Variants in FUT9 observed in about 807,000 individuals in gnomAD.
FUT9 encodes 4-galactosyl-N-acetylglucosaminide 3-alpha-L-fucosyltransferase 9.
Under a neutral mutation model 29.7 loss-of-function variants are expected in FUT9, and 15 were observed. The ratio of observed to expected loss-of-function variants is 0.51; its 90% CI spans 0.34 to 0.78. FUT9 has a LOEUF of 0.78. FUT9 is among the 30% of genes least tolerant of loss of function. FUT9 has a pLI of 0.01. For missense variants in FUT9, 319 were observed against 425.4 expected (o/e 0.75, Z 2.20); for synonymous variants, 169 against 153.7 (o/e 1.10, Z -0.74).
intron 2 of FUT9, among the ~76,000 whole-genome samples, chr6:96,139,676 T>C (rs759538671): frequency 7.9e-5 from 12 of 152,150 alleles, no homozygotes; most frequent in Admixed American, 5.2e-4. Context: ...ATTCTTGACT[T>C]CTGTGCACCC....
At chr6:96,114,392 T>C (rs1771872066) in intron 2 of FUT9, among the ~76,000 whole-genome samples, 1 of 151,862 alleles carries the variant, frequency 6.6e-6, no homozygotes, top group Non-Finnish European at 1.5e-5. Flanking sequence ...TTAAAATAAA[T>C]CTTACAGTTA....
In FUT9 at chr6:96,215,204, A is replaced by G; in HGVS notation, c.*10969A>G. 1 of 167,180 alleles carries G rather than the reference A, an allele frequency of 6.0e-6. No homozygotes were observed. The allele number at this position is 167,180 out of a possible 1,614,324, so 10.4% of individuals were successfully genotyped here. A position where few individuals can be genotyped will look rare whatever the true frequency, so the allele number is the denominator to read the frequency against. On this transcript the variant is annotated 3_prime_UTR_variant, in exon 3 of 3. Transcript: ENST00000302103. ...GATGCCAGAGAAAATCTGTATATTC[A>G]GCTATTTGGAGAACTCGTGTTTTCC...
At chr6:96,174,911 T>C (rs995394119) in intron 2 of FUT9, among the ~76,000 whole-genome samples, 2 of 152,276 alleles carry the variant, frequency 1.3e-5, no homozygotes, top group East Asian at 1.9e-4. Flanking sequence ...CCATTTCATA[T>C]ATGTGCATTT....
intron 2 of FUT9, among the ~76,000 whole-genome samples, chr6:96,133,689 C>A (rs969937672): frequency 6.6e-6 from 1 of 151,922 alleles, no homozygotes; most frequent in Admixed American, 6.6e-5. Flanking sequence ...GTAAACTATT[C>A]GGTTAACCCC....
chr6:96,211,435 C>T lies in FUT9; in HGVS notation c.*7200C>T, dbSNP rs1773935614. On this transcript the variant is annotated 3_prime_UTR_variant, in exon 3 of 3. Coordinates refer to ENST00000302103, the MANE Select transcript of FUT9 (RefSeq NM_006581.4). Reference sequence around the variant, plus strand: ...GGCCTAGCAATATTTAACAGTTTGACTTAATCCATCACTTCAGCTGGTCCA... The same window carrying T: ...GGCCTAGCAATATTTAACAGTTTGATTTAATCCATCACTTCAGCTGGTCCA... 1 of 166,878 alleles carries T rather than the reference C, an allele frequency of 6.0e-6. No individual in the cohort carries two copies. Among genetic ancestry groups the T allele is most frequent in the African/African-American group, 2.4e-5 (1 of 41,434 alleles). The allele number at this position is 166,878 out of a possible 1,614,324, so 10.3% of individuals were successfully genotyped here. A position where few individuals can be genotyped will look rare whatever the true frequency, so the allele number is the denominator to read the frequency against.
intron 2 of FUT9, among the ~76,000 whole-genome samples, chr6:96,188,710 G>GATATATATATATATATAT (rs57955007): frequency 1.4e-5 from 2 of 146,346 alleles, no homozygotes; most frequent in African/African-American, 5.0e-5. Context: ...TATATTATTT[G>GATATATATATATATATAT]ATATATATAT....
At chr6:96,130,622 C>A (rs1028539334) in intron 2 of FUT9, among the ~76,000 whole-genome samples, 1 of 152,112 alleles carries the variant, frequency 6.6e-6, no homozygotes, top group Non-Finnish European at 1.5e-5. Flanking sequence ...GAATACCCAA[C>A]CTGTTTTTAC....
intron 2 of FUT9, among the ~76,000 whole-genome samples, chr6:96,197,455 A>C (rs1402946359): frequency 6.6e-6 from 1 of 152,042 alleles, no homozygotes; most frequent in Non-Finnish European, 1.5e-5. Context: ...AGTAAATGGC[A>C]TTTCTCCCAA....
chr6:96,193,269 C>A, intron 2 of FUT9, among the ~76,000 whole-genome samples: 1 of 132,314 alleles, frequency 7.6e-6, no homozygotes, highest in Non-Finnish European at 1.6e-5. Flanking sequence ...AACAGGCAAC[C>A]TAAAGAATGG....
intron 2 of FUT9, among the ~76,000 whole-genome samples, chr6:96,191,146 G>C (rs1358366171): frequency 6.6e-6 from 1 of 152,028 alleles, no homozygotes; most frequent in Non-Finnish European, 1.5e-5. Flanking sequence ...ATGTGTGTTG[G>C]AGTTTGCTGG....
chr6:96,168,242 C>A (rs557496975), intron 2 of FUT9, among the ~76,000 whole-genome samples: 11 of 152,252 alleles, frequency 7.2e-5, no homozygotes, highest in African/African-American at 2.6e-4. Flanking sequence ...ATCAAGCAGG[C>A]ATCTTCATAT....
rs185021728 is a variant in FUT9 at position 96,067,538 on chromosome 6, G to T, written c.-97-46501G>T. Among the ~76,000 whole-genome samples, 928 of 152,198 alleles carry T rather than the reference G, an allele frequency of 6.1e-3. 14 individuals carry two copies. The highest frequency in any genetic ancestry group is 0.021 in the African/African-American group (885 of 41,546). On this transcript the variant is annotated intron_variant, in intron 1 of 2. Transcript: ENST00000302103. The stretch of plus-strand genomic sequence containing the variant: ...TTTGCTACACTTTAAATAAGAGTTA[G>T]TGGTTGCTTGAAAAAGCAAAGGGGA...
intron 1 of FUT9, among the ~76,000 whole-genome samples, chr6:96,077,426 C>T (rs369814250): frequency 7.9e-5 from 12 of 152,090 alleles, no homozygotes; most frequent in Admixed American, 3.3e-4. Flanking sequence ...TGGTTTTCTA[C>T]GTAACTGTTC....
At chr6:96,048,664 C>T (rs923489517) in intron 1 of FUT9, among the ~76,000 whole-genome samples, 1 of 152,130 alleles carries the variant, frequency 6.6e-6, no homozygotes, top group Admixed American at 6.6e-5. Context: ...TGAGTGTATT[C>T]TCATGGAACG....
At chr6:96,179,756 G>GA (rs34087396) in intron 2 of FUT9, among the ~76,000 whole-genome samples, 115,852 of 151,576 alleles carry the variant, frequency 0.76, 45,736 homozygotes, top group East Asian at 0.99. Flanking sequence ...GAGAACACCT[G>GA]AAAAAAAATA....
chr6:96,126,820 T>A (rs1006229308), intron 2 of FUT9, among the ~76,000 whole-genome samples: 1 of 152,168 alleles, frequency 6.6e-6, no homozygotes, highest in Non-Finnish European at 1.5e-5. Flanking sequence ...CCTGTGGAGA[T>A]TATAGCATGG....
chr6:96,134,858 T>C (rs1380223516), intron 2 of FUT9, among the ~76,000 whole-genome samples: 2 of 151,898 alleles, frequency 1.3e-5, no homozygotes, highest in Non-Finnish European at 2.9e-5. Flanking sequence ...TTATTAGTCT[T>C]ACTTAGTTTC....
At chr6:96,043,152 T>C (rs6915374) in intron 1 of FUT9, among the ~76,000 whole-genome samples, 33,719 of 151,952 alleles carry the variant, frequency 0.22, 4,343 homozygotes, top group African/African-American at 0.34. Flanking sequence ...CCCGGGTTCA[T>C]GCCATTCTCC....
chr6:96,027,123 C>T (rs1770182263), intron 1 of FUT9, among the ~76,000 whole-genome samples: 2 of 151,624 alleles, frequency 1.3e-5, no homozygotes, highest in South Asian at 4.1e-4. Context: ...TCCTGATACT[C>T]ATTCCCAGTT....
Sources: gnomAD v4.1 joint callset for allele counts (sites outside exome capture counted in the v4.1 genomes callset) on GRCh38, gnomAD v4.1.1 for gene constraint, MANE v1.5 for transcripts, NCBI Gene and HGNC (gene_info 2026-07-23, HGNC 2026-07-21) for gene names.